MPP7: variants seen among roughly 807,000 people sequenced by gnomAD.
MPP7 encodes the protein MAGUK p55 subfamily member 7.
MPP7 carries 60 observed loss-of-function variants against 76.5 expected under a neutral mutation model. The ratio of observed to expected loss-of-function variants is 0.78; its 90% CI spans 0.64 to 0.97. The LOEUF is 0.97. Ranked by LOEUF, MPP7 falls within the 50% of genes least tolerant of loss-of-function variation. MPP7 has a pLI of 0.00. For missense variants in MPP7, 641 were observed against 694.0 expected, an observed-to-expected ratio of 0.92 and a Z score of 0.86; for synonymous variants, 237 against 244.5, an observed-to-expected ratio of 0.97 and a Z score of 0.29.
At chr10:28,158,658 G>A (rs1170967718) in intron 3 of MPP7, among the ~76,000 whole-genome samples, 1 of 152,116 alleles carries the variant, frequency 6.6e-6, no homozygotes, top group Non-Finnish European at 1.5e-5. Flanking sequence ...ACAGTTGCTT[G>A]GCCTACAAAT....
At chr10:28,282,305 G>T (rs1840697754) in intron 1 of MPP7, among the ~76,000 whole-genome samples, 2 of 152,052 alleles carry the variant, frequency 1.3e-5, no homozygotes, top group South Asian at 4.1e-4. Context: ...AGGAACCTGA[G>T]CCTCATCTAC....
intron 11 of MPP7, among the ~76,000 whole-genome samples, chr10:28,115,172 G>A (rs1834628460): frequency 6.6e-6 from 1 of 151,720 alleles, no homozygotes; most frequent in African/African-American, 2.4e-5. Context: ...GCACAATCTC[G>A]GCTCACTGCA....
intron 11 of MPP7, chr10:28,118,372 G>A: frequency 3.1e-6 from 3 of 978,738 alleles, no homozygotes; most frequent in Non-Finnish European, 3.6e-6. Flanking sequence ...AGTTGCCTAG[G>A]ACTGAAAAAG....
At chr10:28,240,709 TAAA>T (rs1398351117) in intron 1 of MPP7, among the ~76,000 whole-genome samples, 1 of 152,126 alleles carries the variant, frequency 6.6e-6, no homozygotes, top group Non-Finnish European at 1.5e-5. Context: ...TAAATTATTC[TAAA>T]AAATCAGTGT....
intron 1 of MPP7, among the ~76,000 whole-genome samples, chr10:28,278,724 A>C (rs1474457665): frequency 6.6e-6 from 1 of 152,014 alleles, no homozygotes; most frequent in Non-Finnish European, 1.5e-5. Flanking sequence ...ATACAAATTC[A>C]TATTAACTAC....
At chr10:28,118,450 T>C in intron 11 of MPP7, 2 of 985,050 alleles carry the variant, frequency 2.0e-6, no homozygotes, top group South Asian at 9.4e-5. Context: ...CATTATCTTA[T>C]CCCACATATG....
intron 11 of MPP7, among the ~76,000 whole-genome samples, chr10:28,103,098 T>C (rs533641851): frequency 9.2e-5 from 14 of 152,102 alleles, no homozygotes; most frequent in Admixed American, 4.6e-4. Flanking sequence ...TTGTGCACAA[T>C]GCGTCCTGTC....
intron 2 of MPP7, among the ~76,000 whole-genome samples, chr10:28,236,390 AAATATCTCTCCAAG>A (rs1839074985): frequency 6.6e-6 from 1 of 152,226 alleles, no homozygotes; most frequent in Non-Finnish European, 1.5e-5. Context: ...TTTAACACGG[AAATATCTCTCCAAG>A]AATATAGCTT....
intron 2 of MPP7, among the ~76,000 whole-genome samples, chr10:28,233,674 C>A (rs1280323312): frequency 1.3e-5 from 2 of 149,782 alleles, no homozygotes; most frequent in African/African-American, 2.5e-5. Context: ...GCCTAGACAG[C>A]GCCACTGCAT....
At chr10:28,113,215 G>A (rs2133574334) in intron 11 of MPP7, among the ~76,000 whole-genome samples, 1 of 152,164 alleles carries the variant, frequency 6.6e-6, no homozygotes, top group South Asian at 2.1e-4. Flanking sequence ...AGCTTGCTTG[G>A]GTAATGTCCT....
At chr10:28,129,774 A>G (rs941413621) in intron 6 of MPP7, among the ~76,000 whole-genome samples, 2 of 152,006 alleles carry the variant, frequency 1.3e-5, no homozygotes, top group African/African-American at 2.4e-5. Flanking sequence ...CCCAGGCACC[A>G]AAAAAACCCT....
intron 1 of MPP7, among the ~76,000 whole-genome samples, chr10:28,276,913 C>G (rs936373520): frequency 6.6e-6 from 1 of 152,032 alleles, no homozygotes; most frequent in Non-Finnish European, 1.5e-5. Flanking sequence ...CTTCTACAGG[C>G]CAGGTGTGGT....
chr10:28,288,866 T>C (rs576598541), intron 1 of MPP7, among the ~76,000 whole-genome samples: 1 of 152,134 alleles, frequency 6.6e-6, no homozygotes, highest in South Asian at 2.1e-4. Context: ...GCCACAGCCA[T>C]CCTGAGAAAG....
At chr10:28,081,031 C>T (rs1852736428) in intron 12 of MPP7, among the ~76,000 whole-genome samples, 1 of 152,270 alleles carries the variant, frequency 6.6e-6, no homozygotes, top group East Asian at 1.9e-4. Context: ...ATAATAAATG[C>T]CTGTTTATTC....
chr10:28,148,842 C>T (rs1835791063), intron 4 of MPP7, among the ~76,000 whole-genome samples: 1 of 152,060 alleles, frequency 6.6e-6, no homozygotes, highest in African/African-American at 2.4e-5. Flanking sequence ...GGTTTATAAA[C>T]AAATGTTTCC....
chr10:28,332,295 A>C (rs1834479092), intron 1 of MPP7, among the ~76,000 whole-genome samples: 1 of 131,474 alleles, frequency 7.6e-6, no homozygotes, highest in Non-Finnish European at 1.7e-5. Context: ...AATTGCGGCT[A>C]ATCTTGGGTA....
intron 3 of MPP7, among the ~76,000 whole-genome samples, chr10:28,150,539 A>G (rs559234836): frequency 4.0e-4 from 61 of 152,358 alleles, no homozygotes; most frequent in African/African-American, 1.3e-3. Context: ...AGGAGCTGGC[A>G]CTATTTGTGC....
At chr10:28,234,762 G>A (rs143155437) in intron 2 of MPP7, among the ~76,000 whole-genome samples, 22 of 152,226 alleles carry the variant, frequency 1.4e-4, no homozygotes, top group African/African-American at 5.1e-4. Flanking sequence ...TCTCAAGATT[G>A]TCAAAATCAA....
chr10:28,094,189 TC>T (rs1853453804), intron 11 of MPP7, among the ~76,000 whole-genome samples: 1 of 152,186 alleles, frequency 6.6e-6, no homozygotes, highest in African/African-American at 2.4e-5. Context: ...AGCAATCAAT[TC>T]ACACAGGTTA....
Sources: gnomAD v4.1 joint callset for allele counts (sites outside exome capture counted in the v4.1 genomes callset) on GRCh38, gnomAD v4.1.1 for gene constraint, MANE v1.5 for transcripts, NCBI Gene and HGNC (gene_info 2026-07-23, HGNC 2026-07-21) for gene names.